The following RFFL variants were observed in gnomAD, a reference collection of about 807,000 sequenced individuals.
The protein encoded by RFFL is E3 ubiquitin-protein ligase rififylin.
In RFFL, 16 loss-of-function variants were observed where a neutral mutation model predicts 40.4. That is an observed-to-expected ratio of 0.40 (90% CI 0.27 to 0.60). The LOEUF (loss-of-function observed/expected upper bound fraction) is 0.60, where lower values mean the gene tolerates loss of function less well. Among genes scored for constraint, RFFL ranks in the 20% least tolerant of loss-of-function variants. The pLI is 0.47. For missense variants in RFFL, 367 were observed against 451.7 expected, an observed-to-expected ratio of 0.81 and a Z score of 1.70; for synonymous variants, 154 against 167.9, an observed-to-expected ratio of 0.92 and a Z score of 0.64.
chr17:35,026,385 T>A lies in RFFL; in HGVS notation c.169A>T (p.Thr57Ser). 1 of 1,613,534 alleles carries A rather than the reference T, an allele frequency of 6.2e-7. No homozygotes were observed. Among genetic ancestry groups the A allele is most frequent in the South Asian group, 1.1e-5 (1 of 91,054 alleles). ...AAGTCAGCACTCACCTTCCTGGCCG[T>A]GTTTGCAAAGTGAGCCCCACAGGAC... ...CKSCGAHFANTARKQTCLDCK... is the reference protein window; with the variant it reads ...CKSCGAHFANSARKQTCLDCK... Residue 57 changes from threonine (T) to serine (S), a missense_variant, in exon 2 of 7, where the codon ACG becomes TCG. By Grantham distance (58) the Thr-to-Ser change is moderately conservative (BLOSUM62 1). Coordinates refer to ENST00000394597, the MANE Select transcript of RFFL (RefSeq NM_001017368.2).
intron 1 of RFFL, among the ~76,000 whole-genome samples, chr17:35,035,271 T>C (rs2091112923): frequency 6.6e-6 from 1 of 151,980 alleles, no homozygotes; most frequent in Admixed American, 6.6e-5. Context: ...TAGCCGGGCA[T>C]GGTGGCACAT....
rs1382361927 is a variant in RFFL at position 35,006,132 on chromosome 17, T to C, written c.*5836A>G. On this transcript the variant is annotated 3_prime_UTR_variant, in exon 7 of 7. Coordinates refer to ENST00000394597, the MANE Select transcript of RFFL (RefSeq NM_001017368.2). ...TCCTGTGCTACCTGAGGCTGATTTA[T>C]TTGAAGAACAAAAGGAAGAGAGACA... 6.1e-6 allele frequency: 1 copy of C among 163,022 alleles called. No homozygotes were observed. Among genetic ancestry groups the C allele is most frequent in the Non-Finnish European group, 1.3e-5 (1 of 74,508 alleles). 10.1% of individuals were successfully genotyped at this position (163,022 alleles called of 1,614,324 possible).
chr17:35,014,794 G>A (rs186555884), intron 5 of RFFL, 31 bp from the exon 6 acceptor site: 9 of 1,605,512 alleles, frequency 5.6e-6, no homozygotes, highest in Non-Finnish European at 7.7e-6. Flanking sequence ...TGTCTGAATA[G>A]GTAAGGCATG....
intron 1 of RFFL, among the ~76,000 whole-genome samples, chr17:35,082,823 G>A (rs2091409149): frequency 2.0e-5 from 3 of 152,112 alleles, no homozygotes; most frequent in African/African-American, 7.2e-5. Context: ...TCTTGCAGAT[G>A]AAAAAACTGA....
chr17:35,026,279 G>T, intron 2 of RFFL, 95 bp downstream of exon 2: 1 of 1,243,610 alleles, frequency 8.0e-7, no homozygotes, highest in Non-Finnish European at 1.1e-6. Flanking sequence ...ATCACACAGG[G>T]AAAGGAAAGG....
At chr17:35,033,117 C>T (rs2091096396) in intron 1 of RFFL, among the ~76,000 whole-genome samples, 1 of 151,908 alleles carries the variant, frequency 6.6e-6, no homozygotes, top group Non-Finnish European at 1.5e-5. Context: ...CCAGTGTCAC[C>T]AGGATAAATG....
At chr17:35,072,818 T>C (rs1396768789) in intron 1 of RFFL, among the ~76,000 whole-genome samples, 1 of 151,076 alleles carries the variant, frequency 6.6e-6, no homozygotes, top group Non-Finnish European at 1.5e-5. Context: ...CCGAGGCAGG[T>C]GGATCACCTG....
intron 3 of RFFL, 137 bp downstream of exon 3, chr17:35,021,234 C>T: frequency 2.4e-6 from 2 of 842,226 alleles, no homozygotes; most frequent in African/African-American, 1.8e-5. Context: ...ACACTTGGTG[C>T]ACCAGTAGTC....
At chr17:35,072,606 C>T (rs2091356431) in intron 1 of RFFL, among the ~76,000 whole-genome samples, 1 of 151,872 alleles carries the variant, frequency 6.6e-6, no homozygotes, top group Non-Finnish European at 1.5e-5. Context: ...CACAGAGCAC[C>T]ATGTCAGTTT....
chr17:35,030,679 C>G (rs1302092226), intron 1 of RFFL, among the ~76,000 whole-genome samples: 1 of 152,018 alleles, frequency 6.6e-6, no homozygotes, highest in African/African-American at 2.4e-5. Context: ...AAGTGATCCA[C>G]CTGCCTTGGC....
upstream of RFFL, among the ~76,000 whole-genome samples, chr17:35,064,249 C>T (rs16970607): frequency 0.026 from 3,883 of 152,188 alleles, 166 homozygotes; most frequent in African/African-American, 0.087. Context: ...TCTATTTCTT[C>T]AGACAACTCA....
At chr17:35,031,395 C>T (rs541620335) in intron 1 of RFFL, among the ~76,000 whole-genome samples, 7 of 152,182 alleles carry the variant, frequency 4.6e-5, no homozygotes, top group Middle Eastern at 3.4e-3. Context: ...GCGTGAGCCA[C>T]CACACCTGGC....
chr17:35,044,586 C>A (rs2091186337), intron 1 of RFFL, among the ~76,000 whole-genome samples: 1 of 152,160 alleles, frequency 6.6e-6, no homozygotes, highest in Admixed American at 6.5e-5. Flanking sequence ...TGCAGTCCAG[C>A]CTGGGAGACA....
intron 1 of RFFL, among the ~76,000 whole-genome samples, chr17:35,084,233 CA>C (rs1052879700): frequency 6.7e-6 from 1 of 150,292 alleles, no homozygotes; most frequent in Non-Finnish European, 1.5e-5. Context: ...GACTCCATCT[CA>C]AAAAAATAAA....
At chr17:35,058,631 C>T (rs1490875253) in intron 1 of RFFL, among the ~76,000 whole-genome samples, 1 of 152,016 alleles carries the variant, frequency 6.6e-6, no homozygotes, top group Admixed American at 6.5e-5. Flanking sequence ...ATTAGCCAGG[C>T]GTGGTGGCAA....
chr17:35,080,360 T>C (rs2091397878), intron 1 of RFFL, among the ~76,000 whole-genome samples: 1 of 152,084 alleles, frequency 6.6e-6, no homozygotes. Context: ...TAAAAAAGCA[T>C]GGGAGGATTA....
chr17:35,059,216 A>G (rs1011737013), intron 1 of RFFL, among the ~76,000 whole-genome samples: 2 of 151,744 alleles, frequency 1.3e-5, no homozygotes, highest in South Asian at 2.1e-4. Context: ...ACGGGGTTTC[A>G]CCATGTTGGT....
At chr17:35,034,496 T>A (rs1180673310) in intron 1 of RFFL, among the ~76,000 whole-genome samples, 4 of 151,696 alleles carry the variant, frequency 2.6e-5, no homozygotes, top group African/African-American at 9.7e-5. Context: ...TAGGAAAAAC[T>A]GGAAAGTTGT....
chr17:35,038,429 C>G (rs1454073669), intron 1 of RFFL, among the ~76,000 whole-genome samples: 1 of 152,170 alleles, frequency 6.6e-6, no homozygotes, highest in Non-Finnish European at 1.5e-5. Context: ...CTTTCCATGG[C>G]TTTGCAATTC....
Sources: allele counts gnomAD v4.1 joint callset (sites outside exome capture counted in the v4.1 genomes callset), GRCh38; gene constraint gnomAD v4.1.1; transcripts MANE v1.5; gene names NCBI Gene and HGNC (gene_info 2026-07-23, HGNC 2026-07-21).